The following CADPS variants were observed in gnomAD, a reference collection of about 807,000 sequenced individuals.
CADPS encodes the protein calcium dependent secretion activator.
A neutral mutation model predicts 167.3 loss-of-function variants in CADPS; 57 were observed. The ratio of observed to expected loss-of-function variants is 0.34; its 90% CI spans 0.28 to 0.42. The LOEUF is 0.42. Ranked by LOEUF, CADPS falls within the 20% of genes least tolerant of loss-of-function variation. The probability of loss-of-function intolerance (pLI) is 1.00; values close to 1 mark genes in which losing one functional copy is unlikely to be tolerated. For missense variants in CADPS, 1,414 were observed against 1,738.1 expected, an observed-to-expected ratio of 0.81 and a Z score of 3.32; for synonymous variants, 676 against 635.3, an observed-to-expected ratio of 1.06 and a Z score of -0.96.
Position 62,874,849 on chromosome 3 carries a change from C to T in CADPS, c.181G>A (p.Ala61Thr). Residue 61 changes from alanine to threonine, a missense_variant, in exon 1 of 30, where the codon GCA (alanine) becomes ACA (threonine). Physicochemically the swap from Ala to Thr is moderately conservative, Grantham distance 58. Coordinates refer to ENST00000383710, the MANE Select transcript of CADPS (RefSeq NM_003716.4). The surrounding 1 kb of genome is among the most constrained non-coding windows in gnomAD (Gnocchi z 7.1). ...GGAGAGAGVGAGGGGGSGASS... is the reference protein window; with the variant it reads ...GGAGAGAGVGTGGGGGSGASS... ...GCGCCGCTGCCCCCGCCGCCGCCTG[C>T]ACCCACCCCGGCTCCGGCGCCGGCG... 9.4e-7 allele frequency: 1 copy of T among 1,067,146 alleles called. No homozygotes were observed. The highest frequency in any genetic ancestry group is 1.1e-6 in the Non-Finnish European group (1 of 880,338). 66.1% of individuals were successfully genotyped at this position (1,067,146 alleles called of 1,614,324 possible).
chr3:62,516,748 CTTT>C, intron 14 of CADPS, 105 bp from the exon 15 acceptor site: 1 of 782,700 alleles, frequency 1.3e-6, no homozygotes, highest in Non-Finnish European at 2.2e-6. Flanking sequence ...ATGGAAAATG[CTTT>C]TTATTTTGTC....
chr3:62,659,347 G>A (rs1478542410), intron 4 of CADPS, among the ~76,000 whole-genome samples: 6 of 152,156 alleles, frequency 3.9e-5, no homozygotes, highest in Non-Finnish European at 8.8e-5. Flanking sequence ...AATATTTAGT[G>A]GAGGAGATAT....
chr3:62,678,522 C>T (rs1348290534), intron 3 of CADPS, among the ~76,000 whole-genome samples: 1 of 151,834 alleles, frequency 6.6e-6, no homozygotes, highest in Admixed American at 6.6e-5. Flanking sequence ...AATGAGAAAC[C>T]ACACTTATCT....
At chr3:62,770,828 G>A (rs1453706514) in intron 1 of CADPS, among the ~76,000 whole-genome samples, 1 of 152,116 alleles carries the variant, frequency 6.6e-6, no homozygotes, top group Admixed American at 6.6e-5. Flanking sequence ...TATTCCCAAA[G>A]TCATTGCTCC....
intron 3 of CADPS, among the ~76,000 whole-genome samples, chr3:62,745,103 G>C (rs1365309576): frequency 6.6e-6 from 1 of 151,424 alleles, no homozygotes; most frequent in African/African-American, 2.4e-5. Context: ...TTTTTTTTGA[G>C]ACAGGGTCTT....
At chr3:62,540,422 C>A (rs888027374) in intron 11 of CADPS, among the ~76,000 whole-genome samples, 3 of 152,006 alleles carry the variant, frequency 2.0e-5, no homozygotes, top group African/African-American at 7.2e-5. Flanking sequence ...GGAGCCAGGT[C>A]CTCAGGAGGG....
chr3:62,526,772 A>C (rs2072349060), intron 13 of CADPS, among the ~76,000 whole-genome samples: 2 of 152,186 alleles, frequency 1.3e-5, no homozygotes, highest in South Asian at 4.1e-4. Context: ...GTTCAAACTA[A>C]TGTTCCCTCA....
At chr3:62,707,269 A>C (rs183967283) in intron 3 of CADPS, among the ~76,000 whole-genome samples, 41 of 152,200 alleles carry the variant, frequency 2.7e-4, no homozygotes, top group Middle Eastern at 3.4e-3. Context: ...CCTTATGAGA[A>C]TCTAACTAAT....
intron 3 of CADPS, among the ~76,000 whole-genome samples, chr3:62,662,830 T>C (rs1164522888): frequency 1.3e-5 from 2 of 152,218 alleles, no homozygotes; most frequent in African/African-American, 4.8e-5. Flanking sequence ...TCTCCACCTC[T>C]GGACCATGGA....
intron 1 of CADPS, among the ~76,000 whole-genome samples, chr3:62,838,453 C>T (rs186037815): frequency 6.6e-6 from 1 of 152,230 alleles, no homozygotes; most frequent in East Asian, 1.9e-4. Context: ...AGCTGGAGTT[C>T]TCAAAGGATT....
chr3:62,558,726 A>G (rs1270474686), intron 9 of CADPS, among the ~76,000 whole-genome samples: 1 of 152,100 alleles, frequency 6.6e-6, no homozygotes, highest in African/African-American at 2.4e-5. Flanking sequence ...TGTTTTTGGT[A>G]GTTGGTTTGT....
chr3:62,537,739 T>C (rs1215503483), intron 11 of CADPS, among the ~76,000 whole-genome samples: 1 of 152,046 alleles, frequency 6.6e-6, no homozygotes, highest in Admixed American at 6.6e-5. Flanking sequence ...CAGCTTTTTT[T>C]TTTTCCTCTC....
In CADPS at chr3:62,399,397, CCAAATGGTCTAATCGTCT is replaced by C; in HGVS notation, c.4053_*8del. On this transcript the variant is annotated stop_lost and 3_prime_UTR_variant, in exon 30 of 30. Transcript: ENST00000383710. The surrounding 1 kb of genome is among the most constrained non-coding windows in gnomAD (Gnocchi z 5.6). The stretch of plus-strand genomic sequence containing the variant: ...GACTCTGTCCCAGCAGACTCTAGGA[CCAAATGGTCTAATCGTCT>C]TCTTCGTCTTCCTCATCGCTGTCCT... 6.2e-7 allele frequency: 1 copy of C among 1,613,922 alleles called. No homozygotes were observed. Among genetic ancestry groups the C allele is most frequent in the Non-Finnish European group, 8.5e-7 (1 of 1,179,804 alleles).
intron 1 of CADPS, among the ~76,000 whole-genome samples, chr3:62,768,352 G>A (rs1000179214): frequency 5.3e-5 from 8 of 152,146 alleles, no homozygotes; most frequent in Admixed American, 2.0e-4. Context: ...CCAGCTTTGC[G>A]TGATTTTGGG....
At position 62,420,669 on chromosome 3, in the gene CADPS, G is replaced by A. The variant is rs1209189951; in HGVS notation, c.3777+17435C>T. Among the ~76,000 whole-genome samples, 2 of 152,172 alleles carry A rather than the reference G, an allele frequency of 1.3e-5. No homozygotes were observed. The highest frequency in any genetic ancestry group is 4.8e-5 in the African/African-American group (2 of 41,440). On this transcript the variant is annotated intron_variant, in intron 28 of 29. Coordinates refer to ENST00000383710, the MANE Select transcript of CADPS (RefSeq NM_003716.4). The surrounding 1 kb of genome is among the most constrained non-coding windows in gnomAD (Gnocchi z 4.1). ...ACAGGTTCTGATGCCTGGGGCCCAG[G>A]AATGAGGAAAATAAAGACAAAGTGC...
At chr3:62,549,404 C>T (rs1387061673) in intron 11 of CADPS, among the ~76,000 whole-genome samples, 5 of 143,574 alleles carry the variant, frequency 3.5e-5, no homozygotes, top group African/African-American at 7.8e-5. Context: ...TTTGGGTCTT[C>T]GGTATTTTAG....
Position 62,516,094 on chromosome 3 carries a change from T to A in CADPS, c.2546A>T (p.Asn849Ile). 3 of 1,613,320 alleles carry A rather than the reference T, an allele frequency of 1.9e-6. No homozygotes were observed. In the East Asian group the frequency reaches 6.7e-5, roughly 36 times the overall value. Residue 849 changes from asparagine (N) to isoleucine (I), a missense_variant, in exon 16 of 30, where the codon AAC (asparagine) becomes ATC (isoleucine). Coordinates refer to ENST00000383710, the MANE Select transcript of CADPS (RefSeq NM_003716.4). The part of the protein sequence containing the change: ...RKCLEQAALV[N>I]YSRLSEYAKI... Reference sequence around the variant, plus strand: ...GGCATACTCTGAGAGCCGAGAATAGTTGACTAACGCAGCCTGTTCCAGACA... The same window carrying A: ...GGCATACTCTGAGAGCCGAGAATAGATGACTAACGCAGCCTGTTCCAGACA...
At chr3:62,492,589 T>C in intron 19 of CADPS, 143 bp from the exon 20 acceptor site, 1 of 827,530 alleles carries the variant, frequency 1.2e-6, no homozygotes, top group East Asian at 2.5e-5. Context: ...GAGAACAGAA[T>C]TTTTGATACA....
At position 62,412,171 on chromosome 3, in the gene CADPS, C is replaced by T. The variant is rs527803284; in HGVS notation, c.3778-8986G>A. Among the ~76,000 whole-genome samples, 36 of 142,492 alleles carry T rather than the reference C, an allele frequency of 2.5e-4. No individual in the cohort carries two copies. Among genetic ancestry groups the T allele is most frequent in the African/African-American group, 9.0e-4 (35 of 39,006 alleles). The allele number at this position is 142,492 out of a possible 152,430, so 93.5% of individuals were successfully genotyped here. On this transcript the variant is annotated intron_variant, in intron 28 of 29. Transcript: ENST00000383710. This position sits in a 1 kb window ranked among gnomAD's most constrained non-coding sequence, Gnocchi z 4.1. ...ATTTTTTTTTTTTTTTTTTAACGTC[C>T]GTAATTCTTTGGATACCTGAAAACC...
Sources: allele counts gnomAD v4.1 joint callset (sites outside exome capture counted in the v4.1 genomes callset), GRCh38; gene constraint gnomAD v4.1.1; non-coding constraint Gnocchi (gnomAD v3.1); transcripts MANE v1.5; gene names NCBI Gene and HGNC (gene_info 2026-07-23, HGNC 2026-07-21).